SGCZ: variants seen among roughly 807,000 people sequenced by gnomAD.
SGCZ encodes the protein sarcoglycan zeta.
Under a neutral mutation model 41.3 loss-of-function variants are expected in SGCZ, and 40 were observed. That is an observed-to-expected ratio of 0.97 (90% CI 0.75 to 1.26). The LOEUF (loss-of-function observed/expected upper bound fraction) is 1.26. SGCZ is among the 50% of genes most tolerant of loss of function. The pLI, the probability that SGCZ is intolerant of heterozygous loss-of-function variation, is 0.00. For synonymous variants in SGCZ, 206 were observed against 137.5 expected, an observed-to-expected ratio of 1.50 and a Z score of -3.49; for missense variants, 552 against 369.8, an observed-to-expected ratio of 1.49 and a Z score of -4.04.
intron 4 of SGCZ, among the ~76,000 whole-genome samples, chr8:14,192,517 T>C (rs1178247522): frequency 1.3e-5 from 2 of 151,908 alleles, no homozygotes; most frequent in Non-Finnish European, 1.5e-5. Context: ...AACTTACCCA[T>C]ACAATAACTC....
At chr8:14,564,047 C>A (rs949539908) in intron 1 of SGCZ, among the ~76,000 whole-genome samples, 1 of 152,112 alleles carries the variant, frequency 6.6e-6, no homozygotes, top group Non-Finnish European at 1.5e-5. Flanking sequence ...CCTCTAATTT[C>A]TGTTTAGACC....
At chr8:14,500,238 A>T (rs1947707) in intron 2 of SGCZ, among the ~76,000 whole-genome samples, 4 of 151,656 alleles carry the variant, frequency 2.6e-5, no homozygotes, top group Non-Finnish European at 4.4e-5. Flanking sequence ...CTAAAATCAG[A>T]TGTAATGTAG....
chr8:14,317,174 A>G (rs35491924), intron 3 of SGCZ, among the ~76,000 whole-genome samples: 44,384 of 152,044 alleles, frequency 0.29, 8,167 homozygotes, highest in Non-Finnish European at 0.42. Flanking sequence ...CATTTAGCGC[A>G]ATGTTTGGCT....
At chr8:15,154,319 G>T (rs996210513) in intron 1 of SGCZ, among the ~76,000 whole-genome samples, 2 of 152,182 alleles carry the variant, frequency 1.3e-5, no homozygotes, top group African/African-American at 2.4e-5. Context: ...TAAAGCAGCA[G>T]ACCCTACATG....
At chr8:14,715,251 G>C (rs1809651085) in intron 1 of SGCZ, among the ~76,000 whole-genome samples, 1 of 151,946 alleles carries the variant, frequency 6.6e-6, no homozygotes, top group African/African-American at 2.4e-5. Context: ...CATCTCAAGA[G>C]GTTCAGAAAT....
chr8:14,609,720 T>C (rs1463332353), intron 1 of SGCZ, among the ~76,000 whole-genome samples: 3 of 152,180 alleles, frequency 2.0e-5, no homozygotes, highest in African/African-American at 7.2e-5. Flanking sequence ...AAGCCAGAGC[T>C]AAATTTGGTA....
In SGCZ at chr8:14,302,266, A is replaced by T. The variant is rs974618369; in HGVS notation, c.336+21837T>A. Among the ~76,000 whole-genome samples the T allele has an allele frequency of 2.0e-5, 3 of 152,278 alleles. No homozygotes were observed. The East Asian group carries it at 5.8e-4, about 29-fold the overall frequency. On this transcript the variant is annotated intron_variant, in intron 3 of 7. Transcript: ENST00000382080. ...ATGAAATTTAAACATTTCTGCAAAA[A>T]CACTGGATATTTGAAATTTTCTCTT...
chr8:14,698,182 T>C (rs1459544006), intron 1 of SGCZ, among the ~76,000 whole-genome samples: 1 of 151,996 alleles, frequency 6.6e-6, no homozygotes, highest in South Asian at 2.1e-4. Flanking sequence ...TGAAATATTA[T>C]ACTGTTTGGT....
chr8:14,214,186 A>G, intron 4 of SGCZ, among the ~76,000 whole-genome samples: 1 of 152,182 alleles, frequency 6.6e-6, no homozygotes, highest in East Asian at 1.9e-4. Flanking sequence ...ACATTACTTC[A>G]GTGTAATTAT....
chr8:14,334,205 C>G (rs771912608), intron 2 of SGCZ, among the ~76,000 whole-genome samples: 10 of 151,946 alleles, frequency 6.6e-5, no homozygotes, highest in Non-Finnish European at 1.0e-4. Context: ...TAGGGTAAAG[C>G]CTTTTATAGG....
intron 2 of SGCZ, among the ~76,000 whole-genome samples, chr8:14,367,548 A>T (rs529800251): frequency 7.3e-4 from 111 of 152,088 alleles, no homozygotes; most frequent in Non-Finnish European, 1.4e-3. Context: ...ACTCACAGTT[A>T]TGCATTTCTG....
At chr8:14,703,300 G>A (rs1034708470) in intron 1 of SGCZ, among the ~76,000 whole-genome samples, 4 of 151,866 alleles carry the variant, frequency 2.6e-5, no homozygotes, top group Non-Finnish European at 4.4e-5. Context: ...CTGACATCCT[G>A]TTGCTTCCTG....
chr8:15,076,661 G>A (rs1563488287), intron 1 of SGCZ, among the ~76,000 whole-genome samples: 1 of 151,932 alleles, frequency 6.6e-6, no homozygotes, highest in Non-Finnish European at 1.5e-5. Context: ...AAACCAGCCA[G>A]AAGGTAGAGA....
chr8:15,046,946 G>A (rs1804328541), intron 1 of SGCZ, among the ~76,000 whole-genome samples: 1 of 151,828 alleles, frequency 6.6e-6, no homozygotes, highest in South Asian at 2.1e-4. Flanking sequence ...TTTCAAAATT[G>A]TTCATTCATA....
At chr8:14,402,489 T>G (rs1328640453) in intron 2 of SGCZ, among the ~76,000 whole-genome samples, 2 of 151,118 alleles carry the variant, frequency 1.3e-5, no homozygotes, top group Non-Finnish European at 2.9e-5. Context: ...AGGGATCCAG[T>G]TTCAGCTTTC....
intron 1 of SGCZ, among the ~76,000 whole-genome samples, chr8:14,897,421 A>G (rs1253823464): frequency 2.0e-5 from 3 of 152,132 alleles, no homozygotes; most frequent in Non-Finnish European, 4.4e-5. Flanking sequence ...CCTTCCTCTT[A>G]AACTTGATGC....
At chr8:14,464,956 T>C (rs1036338964) in intron 2 of SGCZ, among the ~76,000 whole-genome samples, 4 of 151,792 alleles carry the variant, frequency 2.6e-5, no homozygotes, top group African/African-American at 9.6e-5. Context: ...TTTTATGGTA[T>C]CTATATTTTA....
intron 1 of SGCZ, among the ~76,000 whole-genome samples, chr8:14,649,518 C>T (rs777966334): frequency 9.2e-5 from 14 of 151,528 alleles, no homozygotes; most frequent in South Asian, 2.1e-4. Flanking sequence ...AACAGGTCAA[C>T]GGAAGGAGCC....
intron 1 of SGCZ, among the ~76,000 whole-genome samples, chr8:14,813,772 A>G (rs2251199): frequency 0.64 from 96,980 of 151,968 alleles, 31,178 homozygotes; most frequent in East Asian, 0.83. Context: ...GCCAACATGC[A>G]GAAACTTCAT....
Sources: gnomAD v4.1 joint callset for allele counts (sites outside exome capture counted in the v4.1 genomes callset) on GRCh38, gnomAD v4.1.1 for gene constraint, MANE v1.5 for transcripts, NCBI Gene and HGNC (gene_info 2026-07-23, HGNC 2026-07-21) for gene names.